The following CLSTN2 variants were observed in gnomAD, a reference collection of about 807,000 sequenced individuals.
CLSTN2 encodes the protein calsyntenin-2.
Under a neutral mutation model 101.2 loss-of-function variants are expected in CLSTN2, and 48 were observed. The observed-to-expected ratio is 0.47, with a 90% confidence interval of 0.38 to 0.60. The LOEUF is 0.60. CLSTN2 is among the 20% of genes least tolerant of loss of function. The probability of loss-of-function intolerance (pLI) is 0.00; values close to 1 mark genes in which losing one functional copy is unlikely to be tolerated. For synonymous variants in CLSTN2, 481 were observed against 463.6 expected (o/e 1.04, Z -0.48); for missense variants, 1,160 against 1,238.2 (o/e 0.94, Z 0.95).
chr3:140,106,384 G>A (rs1262276553), intron 1 of CLSTN2, among the ~76,000 whole-genome samples: 3 of 152,208 alleles, frequency 2.0e-5, no homozygotes, highest in Non-Finnish European at 2.9e-5. Flanking sequence ...ACAGCCTCAT[G>A]CCTGGGTCTT....
intron 1 of CLSTN2, among the ~76,000 whole-genome samples, chr3:139,979,886 C>T (rs949661835): frequency 3.3e-5 from 5 of 152,104 alleles, no homozygotes; most frequent in African/African-American, 9.6e-5. Context: ...CTAGTGTTCC[C>T]TATTTCAGCA....
At chr3:140,419,512 T>TATATATATACACAC (rs1478929717) in intron 4 of CLSTN2, among the ~76,000 whole-genome samples, 1 of 65,900 alleles carries the variant, frequency 1.5e-5, no homozygotes, top group Non-Finnish European at 2.4e-5. Context: ...TATATATATA[T>TATATATATACACAC]ACACACACAT....
rs184547025 is a variant in CLSTN2, at chr3:139,964,406, A to G, written c.109+28923A>G. Among the ~76,000 whole-genome samples the G allele has an allele frequency of 5.3e-5, 8 of 152,312 alleles. No homozygotes were observed. The East Asian group carries it at 1.5e-3, about 29-fold the overall frequency. On this transcript the variant is annotated intron_variant, in intron 1 of 16. Transcript: ENST00000458420. ...GTTAGGTGTGACAGGTGAAGAGCCCATTTCTAAGAGAGTACATGATGATAT... is the reference window on the plus strand; with the variant it reads ...GTTAGGTGTGACAGGTGAAGAGCCCGTTTCTAAGAGAGTACATGATGATAT...
intron 8 of CLSTN2, among the ~76,000 whole-genome samples, chr3:140,516,209 A>C (rs1038144513): frequency 6.6e-6 from 1 of 152,038 alleles, no homozygotes; most frequent in African/African-American, 2.4e-5. Flanking sequence ...CCTTTACCTT[A>C]AGTTATGCTA....
At chr3:140,487,685 A>T (rs1186486423) in intron 8 of CLSTN2, among the ~76,000 whole-genome samples, 2 of 152,272 alleles carry the variant, frequency 1.3e-5, no homozygotes, top group Non-Finnish European at 2.9e-5. Context: ...CCTCCTCAGC[A>T]TCACATGAAA....
chr3:140,192,046 T>C (rs1028508641), intron 2 of CLSTN2, among the ~76,000 whole-genome samples: 2 of 152,002 alleles, frequency 1.3e-5, no homozygotes, highest in Admixed American at 6.6e-5. Flanking sequence ...TTCAGTTATA[T>C]GTACTAGCTT....
intron 1 of CLSTN2, among the ~76,000 whole-genome samples, chr3:140,098,834 G>A (rs1188033670): frequency 6.6e-6 from 1 of 152,178 alleles, no homozygotes; most frequent in East Asian, 1.9e-4. Context: ...GAGTCTGAAT[G>A]CTTCCCTAGG....
chr3:140,546,585 T>C lies in CLSTN2; in HGVS notation c.1578T>C (p.Pro526=), dbSNP rs770588281. 6.2e-7 allele frequency: 1 copy of C among 1,614,016 alleles called. No individual in the cohort carries two copies. The highest frequency in any genetic ancestry group is 1.3e-5 in the African/African-American group (1 of 74,932). The change falls in exon 10 of 17, where the codon CCT becomes CCC. Residue 526 remains proline (P), a synonymous_variant. Transcript: ENST00000458420. ...GCCTGGCCAGTCTCACCATCCGCCC[T>C]GGCAAAATGGAAAGCCAGAAGGTGA... ...HGSLASLTIR[P]GKMESQKVIS...
At chr3:140,000,360 T>C (rs1257398999) in intron 1 of CLSTN2, among the ~76,000 whole-genome samples, 1 of 152,222 alleles carries the variant, frequency 6.6e-6, no homozygotes, top group Non-Finnish European at 1.5e-5. Flanking sequence ...GATAAATAGT[T>C]AATATACATG....
intron 2 of CLSTN2, among the ~76,000 whole-genome samples, chr3:140,266,462 G>A (rs2086694692): frequency 6.6e-6 from 1 of 152,164 alleles, no homozygotes. Context: ...GGAATGCCTT[G>A]CTTCACAGCC....
intron 2 of CLSTN2, among the ~76,000 whole-genome samples, chr3:140,251,517 T>C (rs552518867): frequency 1.3e-5 from 2 of 152,166 alleles, no homozygotes; most frequent in Non-Finnish European, 2.9e-5. Context: ...GCCTGGCATT[T>C]GATACCTGAT....
At chr3:140,524,964 A>G (rs1187915724) in intron 8 of CLSTN2, among the ~76,000 whole-genome samples, 6 of 152,246 alleles carry the variant, frequency 3.9e-5, no homozygotes, top group Non-Finnish European at 5.9e-5. Flanking sequence ...AGGAAAGTGT[A>G]TAGCACTAAA....
At chr3:140,541,222 G>T (rs1431886517) in intron 9 of CLSTN2, among the ~76,000 whole-genome samples, 1 of 152,194 alleles carries the variant, frequency 6.6e-6, no homozygotes, top group East Asian at 1.9e-4. Flanking sequence ...ATGTGGCTTT[G>T]GTCAAGTTAC....
chr3:140,493,731 C>T (rs1934395238), intron 8 of CLSTN2, among the ~76,000 whole-genome samples: 1 of 152,236 alleles, frequency 6.6e-6, no homozygotes, highest in Admixed American at 6.5e-5. Flanking sequence ...CCTACATTTA[C>T]TCTTTTATTC....
intron 2 of CLSTN2, among the ~76,000 whole-genome samples, chr3:140,240,189 T>TATAC (rs2086450915): frequency 1.1e-4 from 1 of 8,954 alleles, no homozygotes. Flanking sequence ...TATATATATA[T>TATAC]ATATATATAT....
intron 2 of CLSTN2, among the ~76,000 whole-genome samples, chr3:140,234,797 C>T (rs560655745): frequency 6.6e-6 from 1 of 152,286 alleles, no homozygotes; most frequent in African/African-American, 2.4e-5. Flanking sequence ...CTTATTGCTC[C>T]GTGTACTGCC....
intron 3 of CLSTN2, 40 bp from the exon 4 acceptor site, chr3:140,404,514 CTCTT>C: frequency 1.3e-6 from 2 of 1,581,572 alleles, no homozygotes; most frequent in Non-Finnish European, 1.7e-6. Flanking sequence ...GTTGGTGTGA[CTCTT>C]TCTTTACCAC....
chr3:140,114,840 G>C (rs1485294764), intron 1 of CLSTN2, among the ~76,000 whole-genome samples: 1 of 152,022 alleles, frequency 6.6e-6, no homozygotes, highest in African/African-American at 2.4e-5. Context: ...CTTCACCTCT[G>C]CCCCCTCCCC....
intron 1 of CLSTN2, among the ~76,000 whole-genome samples, chr3:139,940,347 A>G (rs1935103563): frequency 6.6e-6 from 1 of 152,198 alleles, no homozygotes; most frequent in Non-Finnish European, 1.5e-5. Context: ...TAGTTAGATG[A>G]TCTTGGACAA....
Sources: gnomAD v4.1 joint callset for allele counts (sites outside exome capture counted in the v4.1 genomes callset) on GRCh38, gnomAD v4.1.1 for gene constraint, MANE v1.5 for transcripts, NCBI Gene and HGNC (gene_info 2026-07-23, HGNC 2026-07-21) for gene names.